KCNH8: variants seen among roughly 807,000 people sequenced by gnomAD.
KCNH8 encodes the protein voltage-gated delayed rectifier potassium channel KCNH8.
KCNH8 carries 70 observed loss-of-function variants against 103.6 expected under a neutral mutation model. That is an observed-to-expected ratio of 0.68 (90% CI 0.56 to 0.82). KCNH8 has a LOEUF of 0.82. Ranked by LOEUF, KCNH8 falls within the 40% of genes least tolerant of loss-of-function variation. The pLI, the probability that KCNH8 is intolerant of heterozygous loss-of-function variation, is 0.00. For synonymous variants in KCNH8, 498 were observed against 489.4 expected (o/e 1.02, Z -0.23); for missense variants, 1,217 against 1,329.9 (o/e 0.92, Z 1.32).
chr3:19,180,681 TTTTG>T (rs1038764511), intron 1 of KCNH8, among the ~76,000 whole-genome samples: 51 of 152,246 alleles, frequency 3.3e-4, no homozygotes, highest in African/African-American at 1.1e-3. Flanking sequence ...GTATGGTTTT[TTTTG>T]TTTGTTTGTT....
intron 9 of KCNH8, 118 bp downstream of exon 9, chr3:19,450,423 A>C (rs953670939): frequency 3.9e-6 from 3 of 760,192 alleles, no homozygotes; most frequent in East Asian, 2.7e-5. Context: ...ATTCCTTTAC[A>C]TTTTTAATTA....
chr3:19,210,499 T>G (rs1354590086), intron 1 of KCNH8, among the ~76,000 whole-genome samples: 2 of 152,070 alleles, frequency 1.3e-5, no homozygotes, highest in African/African-American at 4.8e-5. Context: ...AAGTGTAAGA[T>G]GTAAGAGAAT....
intron 1 of KCNH8, among the ~76,000 whole-genome samples, chr3:19,220,461 CGT>C (rs1359810936): frequency 6.6e-6 from 1 of 152,166 alleles, no homozygotes; most frequent in Non-Finnish European, 1.5e-5. Flanking sequence ...AGATTGGTGA[CGT>C]GTAGGAGAGT....
chr3:19,216,336 G>A (rs1219370780), intron 1 of KCNH8, among the ~76,000 whole-genome samples: 10 of 152,218 alleles, frequency 6.6e-5, no homozygotes, highest in South Asian at 2.1e-4. Flanking sequence ...TGTTACACAC[G>A]TAACTTTGGA....
At chr3:19,244,144 A>C (rs997755793) in intron 1 of KCNH8, among the ~76,000 whole-genome samples, 28 of 152,214 alleles carry the variant, frequency 1.8e-4, no homozygotes, top group Non-Finnish European at 3.8e-4. Context: ...AAATTATACT[A>C]AATGAAAATT....
chr3:19,486,663 T>C (rs1031448412), intron 11 of KCNH8, among the ~76,000 whole-genome samples: 6 of 152,222 alleles, frequency 3.9e-5, no homozygotes, highest in Non-Finnish European at 8.8e-5. Flanking sequence ...CGTAAGTTTT[T>C]CCTTTAACTT....
intron 1 of KCNH8, among the ~76,000 whole-genome samples, chr3:19,150,124 T>C (rs1283429601): frequency 3.9e-5 from 6 of 152,342 alleles, no homozygotes; most frequent in African/African-American, 1.4e-4. Flanking sequence ...CCCTTTTATA[T>C]TCTAAATGTG....
chr3:19,428,130 A>G (rs1252923950), intron 7 of KCNH8, among the ~76,000 whole-genome samples: 1 of 152,222 alleles, frequency 6.6e-6, no homozygotes, highest in Non-Finnish European at 1.5e-5. Flanking sequence ...AAGTACCAAT[A>G]TTTTAATATC....
chr3:19,438,664 T>C (rs1357656887), intron 8 of KCNH8, among the ~76,000 whole-genome samples: 1 of 152,190 alleles, frequency 6.6e-6, no homozygotes, highest in African/African-American at 2.4e-5. Flanking sequence ...CCTGCAAAGG[T>C]AAGATGAAGT....
chr3:19,393,301 G>T (rs979207114), intron 6 of KCNH8, among the ~76,000 whole-genome samples: 4 of 151,974 alleles, frequency 2.6e-5, no homozygotes, highest in Admixed American at 6.6e-5. Flanking sequence ...TACTGACTCC[G>T]ATGGGAGCAA....
rs189189305 is a variant in KCNH8 at position 19,299,836 on chromosome 3, T to G, written c.442+18507T>G. ...AGCTAAAAACCTATTTTAATATATT[T>G]TAATATGTATTAGAAAACATTATTA... On this transcript the variant is annotated intron_variant, in intron 3 of 15. Coordinates refer to ENST00000328405, the MANE Select transcript of KCNH8 (RefSeq NM_144633.3). Among the ~76,000 whole-genome samples the G allele has an allele frequency of 1.8e-3, 269 of 152,066 alleles. 3 individuals carry two copies. Among genetic ancestry groups the G allele is most frequent in the Admixed American group, 0.015 (231 of 15,282 alleles).
chr3:19,528,987 G>A, intron 15 of KCNH8, among the ~76,000 whole-genome samples: 1 of 152,074 alleles, frequency 6.6e-6, no homozygotes, highest in East Asian at 1.9e-4. Context: ...ATTAAAAGAA[G>A]TTTGAAGGAG....
At chr3:19,326,973 C>G (rs1283928264) in intron 3 of KCNH8, among the ~76,000 whole-genome samples, 2 of 152,070 alleles carry the variant, frequency 1.3e-5, no homozygotes, top group South Asian at 2.1e-4. Context: ...TAACAGGGCC[C>G]TTAACTGGGG....
chr3:19,521,156 A>G (rs2068964982), intron 15 of KCNH8, among the ~76,000 whole-genome samples: 1 of 152,006 alleles, frequency 6.6e-6, no homozygotes, highest in African/African-American at 2.4e-5. Flanking sequence ...TGAAGGTTAG[A>G]GTGCATTCTC....
At position 19,223,688 on chromosome 3, in the gene KCNH8, C is replaced by T. The variant is rs11923697; in HGVS notation, c.77-29966C>T. ...ATCACACTGCTAGAGTGGACCATTT[C>T]GGTGACATCATCTTTGTCTCCTATT... On this transcript the variant is annotated intron_variant, in intron 1 of 15. Transcript: ENST00000328405. Among the ~76,000 whole-genome samples, 1,169 of 152,166 alleles carry T rather than the reference C, an allele frequency of 7.7e-3. 15 individuals are homozygous for T. Among genetic ancestry groups the T allele is most frequent in the African/African-American group, 0.026 (1,074 of 41,498 alleles).
intron 3 of KCNH8, among the ~76,000 whole-genome samples, chr3:19,288,858 T>A (rs1345984602): frequency 7.2e-5 from 11 of 152,286 alleles, no homozygotes; most frequent in African/African-American, 1.9e-4. Context: ...AGTGTAAAAG[T>A]GTTCCTCTTT....
At chr3:19,385,822 G>C (rs1485644130) in intron 5 of KCNH8, among the ~76,000 whole-genome samples, 8 of 152,006 alleles carry the variant, frequency 5.3e-5, no homozygotes, top group Admixed American at 4.6e-4. Flanking sequence ...TTAAATATTA[G>C]TCAACAGCTG....
intron 1 of KCNH8, among the ~76,000 whole-genome samples, chr3:19,192,982 T>G (rs1327404153): frequency 6.6e-6 from 1 of 151,658 alleles, no homozygotes; most frequent in Admixed American, 6.6e-5. Flanking sequence ...AGGGCAAGAT[T>G]GTCAGTGATT....
At chr3:19,194,439 C>A (rs937443543) in intron 1 of KCNH8, among the ~76,000 whole-genome samples, 3 of 151,806 alleles carry the variant, frequency 2.0e-5, no homozygotes, top group South Asian at 2.1e-4. Flanking sequence ...GCTTAACCCA[C>A]ACTATCTTAC....
Sources: gnomAD v4.1 joint callset for allele counts (sites outside exome capture counted in the v4.1 genomes callset) on GRCh38, gnomAD v4.1.1 for gene constraint, MANE v1.5 for transcripts, NCBI Gene and HGNC (gene_info 2026-07-23, HGNC 2026-07-21) for gene names.